The following GRK3 variants were observed in gnomAD, a reference collection of about 807,000 sequenced individuals.
GRK3 encodes the protein adrenergic, beta, receptor kinase 2.
Under a neutral mutation model 95.7 loss-of-function variants are expected in GRK3, and 54 were observed. The ratio of observed to expected loss-of-function variants is 0.56; its 90% CI spans 0.45 to 0.71. The LOEUF (loss-of-function observed/expected upper bound fraction) is 0.71, where lower values mean the gene tolerates loss of function less well. Ranked by LOEUF, GRK3 falls within the 30% of genes least tolerant of loss-of-function variation. The probability of loss-of-function intolerance (pLI) is 0.00; values close to 1 mark genes in which losing one functional copy is unlikely to be tolerated. For synonymous variants in GRK3, 281 were observed against 290.8 expected, an observed-to-expected ratio of 0.97 and a Z score of 0.34; for missense variants, 649 against 851.2, an observed-to-expected ratio of 0.76 and a Z score of 2.96.
Position 25,677,335 on chromosome 22 carries a change from C to T in GRK3, c.648-1481C>T, listed in dbSNP as rs544587777. Among the ~76,000 whole-genome samples, 6 of 144,466 alleles carry T rather than the reference C, an allele frequency of 4.2e-5. No individual in the cohort carries two copies. The South Asian group carries it at 1.3e-3, about 32-fold the overall frequency. The allele number at this position is 144,466 out of a possible 152,430, so 94.8% of individuals were successfully genotyped here. ...AGGCTGTAATGAGGTACAATCATCC[C>T]ACTGGACTCCAGCCTGGGCAACAGA... On this transcript the variant is annotated intron_variant, in intron 8 of 20. Coordinates refer to ENST00000324198, the MANE Select transcript of GRK3 (RefSeq NM_005160.4).
intron 1 of GRK3, among the ~76,000 whole-genome samples, chr22:25,584,987 C>G (rs1404159291): frequency 5.3e-5 from 8 of 152,292 alleles, no homozygotes; most frequent in African/African-American, 1.9e-4. Flanking sequence ...AGTCACCAAG[C>G]TTTTTAGAAT....
chr22:25,600,093 A>G (rs924510086), intron 1 of GRK3, among the ~76,000 whole-genome samples: 7 of 151,590 alleles, frequency 4.6e-5, no homozygotes, highest in African/African-American at 1.7e-4. Flanking sequence ...AGATCCAGCT[A>G]TACAGTCAGC....
At chr22:25,673,805 A>G (rs1301417283) in intron 7 of GRK3, among the ~76,000 whole-genome samples, 2 of 152,048 alleles carry the variant, frequency 1.3e-5, no homozygotes, top group African/African-American at 4.8e-5. Context: ...TTACTGAGAT[A>G]TTATTGACTG....
At chr22:25,629,056 A>T (rs148397308) in intron 2 of GRK3, among the ~76,000 whole-genome samples, 204 of 152,326 alleles carry the variant, frequency 1.3e-3, no homozygotes, top group African/African-American at 4.7e-3. Flanking sequence ...TTTGAACTAT[A>T]TTATTCATTT....
At chr22:25,687,916 G>A (rs184376845) in intron 11 of GRK3, among the ~76,000 whole-genome samples, 227 of 152,238 alleles carry the variant, frequency 1.5e-3, no homozygotes, top group African/African-American at 4.9e-3. Flanking sequence ...CGTATACTAA[G>A]CCAAATATTT....
chr22:25,688,080 C>CA (rs367965610), intron 11 of GRK3, among the ~76,000 whole-genome samples: 19 of 151,902 alleles, frequency 1.3e-4, no homozygotes, highest in Admixed American at 2.6e-4. Flanking sequence ...ACTAAAAATA[C>CA]AAAAAATTAG....
At chr22:25,656,205 A>G (rs2084870025) in intron 3 of GRK3, among the ~76,000 whole-genome samples, 1 of 152,224 alleles carries the variant, frequency 6.6e-6, no homozygotes, top group Non-Finnish European at 1.5e-5. Context: ...GCTTATAGAA[A>G]TATGTACATT....
chr22:25,668,834 A>C (rs738341), intron 6 of GRK3, among the ~76,000 whole-genome samples: 2,401 of 152,220 alleles, frequency 0.016, 32 homozygotes, highest in Middle Eastern at 0.065. Context: ...GGGGAAGGTA[A>C]TTGAAAGTGG....
chr22:25,620,687 G>C (rs2084578232), intron 2 of GRK3, among the ~76,000 whole-genome samples: 2 of 152,146 alleles, frequency 1.3e-5, no homozygotes, highest in African/African-American at 4.8e-5. Context: ...GCAGAAAAGG[G>C]GTGTTGAATG....
chr22:25,702,641 G>A (rs2085267628), intron 13 of GRK3, among the ~76,000 whole-genome samples: 1 of 152,206 alleles, frequency 6.6e-6, no homozygotes, highest in Non-Finnish European at 1.5e-5. Context: ...AAACATGAGA[G>A]TGAGAATAAT....
chr22:25,669,694 T>A (rs776187840), intron 6 of GRK3, among the ~76,000 whole-genome samples: 1 of 152,212 alleles, frequency 6.6e-6, no homozygotes, highest in African/African-American at 2.4e-5. Context: ...GGACTGAGCC[T>A]AGATACTCAG....
intron 2 of GRK3, among the ~76,000 whole-genome samples, chr22:25,607,651 A>G (rs1432134086): frequency 6.6e-6 from 1 of 152,034 alleles, no homozygotes; most frequent in Non-Finnish European, 1.5e-5. Context: ...ATCTCTGCTC[A>G]CTGCAACTTC....
chr22:25,700,862 G>A (rs1006684321), intron 13 of GRK3, among the ~76,000 whole-genome samples: 1 of 152,164 alleles, frequency 6.6e-6, no homozygotes. Context: ...GGGATTACAG[G>A]CGTGACCCAC....
chr22:25,699,577 C>G (rs965954383), intron 13 of GRK3, among the ~76,000 whole-genome samples: 5 of 152,188 alleles, frequency 3.3e-5, no homozygotes, highest in Non-Finnish European at 7.4e-5. Flanking sequence ...TCAACAGTGC[C>G]GAGGGTGAGG....
In GRK3 at chr22:25,699,674, A is replaced by G. The variant is rs972427601; in HGVS notation, c.1161-3836A>G. Among the ~76,000 whole-genome samples, 3 of 139,994 alleles carry G rather than the reference A, an allele frequency of 2.1e-5. No individual in the cohort carries two copies. In the East Asian group the frequency reaches 6.3e-4, roughly 29 times the overall value. The allele number at this position is 139,994 out of a possible 152,430, so 91.8% of individuals were successfully genotyped here. On this transcript the variant is annotated intron_variant, in intron 13 of 20. Transcript: ENST00000324198. ...ATGGCCACCAAGGAAGGGTCTTTCT[A>G]TTTTCTTTTCTTTTCTTTTCTTTTC...
At chr22:25,636,312 G>A (rs1256817904) in intron 2 of GRK3, among the ~76,000 whole-genome samples, 2 of 152,210 alleles carry the variant, frequency 1.3e-5, no homozygotes, top group Non-Finnish European at 2.9e-5. Flanking sequence ...AAATGTTTGT[G>A]TGTATGTGTA....
Position 25,726,526 on chromosome 22 carries a change from G to T in GRK3, c.*4076G>T, listed in dbSNP as rs1223852011. On this transcript the variant is annotated 3_prime_UTR_variant, in exon 21 of 21. Transcript: ENST00000324198. ...TGAGTGAGGGGTTGACTTGTTGGGAGATGATTTGGGCTTCACTGGGATCTG... is the reference window on the plus strand; with the variant it reads ...TGAGTGAGGGGTTGACTTGTTGGGATATGATTTGGGCTTCACTGGGATCTG... 6.6e-6 allele frequency: 1 copy of T among 152,196 alleles called. No homozygotes were observed. Among genetic ancestry groups the T allele is most frequent in the African/African-American group, 2.4e-5 (1 of 41,422 alleles). The allele number at this position is 152,196 out of a possible 1,614,324, so 9.4% of individuals were successfully genotyped here.
chr22:25,653,771 A>G lies in GRK3; in HGVS notation c.265-7805A>G, dbSNP rs566919298. Among the ~76,000 whole-genome samples, 95 of 152,264 alleles carry G rather than the reference A, an allele frequency of 6.2e-4. 1 individual carries two copies. Among genetic ancestry groups the G allele is most frequent in the African/African-American group, 2.2e-3 (91 of 41,560 alleles). On this transcript the variant is annotated intron_variant, in intron 3 of 20. Transcript: ENST00000324198. ...AGTGACATGATCTCGGCTCACTGCA[A>G]CCTGTCTCCCGGGTTCAACCAATTC...
intron 17 of GRK3, 28 bp downstream of exon 17, chr22:25,711,191 T>C (rs2085341386): frequency 6.8e-7 from 1 of 1,479,542 alleles, no homozygotes; most frequent in Non-Finnish European, 9.3e-7. Context: ...TATTTCTTTA[T>C]TTTTATTTTT....
Sources: allele counts gnomAD v4.1 joint callset (sites outside exome capture counted in the v4.1 genomes callset), GRCh38; gene constraint gnomAD v4.1.1; transcripts MANE v1.5; gene names NCBI Gene and HGNC (gene_info 2026-07-23, HGNC 2026-07-21).